Variants in GALNTL6 observed in about 807,000 individuals in gnomAD.
GALNTL6 encodes polypeptide N-acetylgalactosaminyltransferase like 6.
A neutral mutation model predicts 73.7 loss-of-function variants in GALNTL6; 46 were observed. The observed-to-expected ratio is 0.62, with a 90% CI of 0.49 to 0.80. The LOEUF (loss-of-function observed/expected upper bound fraction) is 0.80. GALNTL6 is among the 30% of genes least tolerant of loss of function. The probability of loss-of-function intolerance (pLI) is 0.00; values close to 1 mark genes in which losing one functional copy is unlikely to be tolerated. For synonymous variants in GALNTL6, 259 were observed against 263.7 expected (o/e 0.98, Z 0.17); for missense variants, 604 against 755.0 (o/e 0.80, Z 2.34).
chr4:172,681,314 A>C (rs1732621953), intron 5 of GALNTL6, among the ~76,000 whole-genome samples: 1 of 152,106 alleles, frequency 6.6e-6, no homozygotes, highest in Non-Finnish European at 1.5e-5. Context: ...TTATTGATTT[A>C]ATAGATTAAA....
At chr4:171,882,658 C>G (rs1244339120) in intron 2 of GALNTL6, among the ~76,000 whole-genome samples, 1 of 152,198 alleles carries the variant, frequency 6.6e-6, no homozygotes, top group Non-Finnish European at 1.5e-5. Flanking sequence ...GGGCAGGAAG[C>G]ATCCAACACG....
chr4:172,822,979 T>A (rs1417739140), intron 7 of GALNTL6, among the ~76,000 whole-genome samples: 1 of 152,150 alleles, frequency 6.6e-6, no homozygotes, highest in African/African-American at 2.4e-5. Flanking sequence ...CTCTAGGATA[T>A]AATGCCCCAC....
intron 2 of GALNTL6, among the ~76,000 whole-genome samples, chr4:171,917,629 G>A (rs1217890361): frequency 6.6e-6 from 1 of 151,952 alleles, no homozygotes; most frequent in Non-Finnish European, 1.5e-5. Context: ...TTTCTATCTG[G>A]AGCAAACTCA....
At chr4:173,037,452 T>C (rs1395763868) in intron 12 of GALNTL6, among the ~76,000 whole-genome samples, 1 of 152,166 alleles carries the variant, frequency 6.6e-6, no homozygotes, top group East Asian at 1.9e-4. Flanking sequence ...TTCAGGGTAG[T>C]GGTATATTTG....
intron 5 of GALNTL6, among the ~76,000 whole-genome samples, chr4:172,580,261 A>G (rs1737129352): frequency 6.6e-6 from 1 of 152,238 alleles, no homozygotes. Flanking sequence ...GAATGATCAG[A>G]TTCAGCACAT....
At chr4:172,125,220 A>C (rs567226560) in intron 2 of GALNTL6, among the ~76,000 whole-genome samples, 28 of 152,294 alleles carry the variant, frequency 1.8e-4, no homozygotes, top group Non-Finnish European at 3.2e-4. Flanking sequence ...TCAAGAGGAA[A>C]AATCTACCTC....
chr4:172,064,520 C>T (rs1731301313), intron 2 of GALNTL6, among the ~76,000 whole-genome samples: 1 of 152,124 alleles, frequency 6.6e-6, no homozygotes, highest in East Asian at 1.9e-4. Context: ...GTTAGTGGAG[C>T]TTTGAATATA....
At chr4:172,815,982 T>C (rs1741582273) in intron 7 of GALNTL6, among the ~76,000 whole-genome samples, 1 of 152,226 alleles carries the variant, frequency 6.6e-6, no homozygotes, top group African/African-American at 2.4e-5. Flanking sequence ...ATCGGCAATT[T>C]CATTATCACG....
At chr4:172,329,178 C>G (rs1741040723) in intron 4 of GALNTL6, among the ~76,000 whole-genome samples, 1 of 152,192 alleles carries the variant, frequency 6.6e-6, no homozygotes, top group African/African-American at 2.4e-5. Flanking sequence ...GTCGATTCTA[C>G]AGAGCCTGGA....
intron 5 of GALNTL6, among the ~76,000 whole-genome samples, chr4:172,680,083 T>G (rs569167893): frequency 2.7e-4 from 41 of 152,318 alleles, no homozygotes; most frequent in African/African-American, 9.6e-4. Flanking sequence ...TTTATTAATT[T>G]AAATCTTAAA....
At chr4:172,047,781 T>C (rs1468287590) in intron 2 of GALNTL6, among the ~76,000 whole-genome samples, 3 of 152,180 alleles carry the variant, frequency 2.0e-5, no homozygotes, top group African/African-American at 7.2e-5. Context: ...GAATTGATAG[T>C]CAATGTTTTT....
At chr4:172,407,338 A>G (rs1260067672) in intron 5 of GALNTL6, among the ~76,000 whole-genome samples, 1 of 152,104 alleles carries the variant, frequency 6.6e-6, no homozygotes, top group African/African-American at 2.4e-5. Context: ...AACAACATTT[A>G]TTCAAAAATC....
chr4:172,674,142 C>T (rs1306358942), intron 5 of GALNTL6, among the ~76,000 whole-genome samples: 1 of 152,120 alleles, frequency 6.6e-6, no homozygotes, highest in Admixed American at 6.5e-5. Context: ...TTCAGTAGCT[C>T]CTGTAAGGTA....
intron 2 of GALNTL6, among the ~76,000 whole-genome samples, chr4:171,937,207 G>A (rs780636043): frequency 6.6e-6 from 1 of 152,100 alleles, no homozygotes; most frequent in South Asian, 2.1e-4. Context: ...TTTAGGGAAA[G>A]CAATTCACTG....
intron 2 of GALNTL6, among the ~76,000 whole-genome samples, chr4:171,942,056 A>G (rs927532651): frequency 6.6e-6 from 1 of 152,052 alleles, no homozygotes; most frequent in African/African-American, 2.4e-5. Context: ...TTCTTGGTTT[A>G]TGCTATAGCG....
chr4:171,934,599 A>G lies in GALNTL6; in HGVS notation c.138+119881A>G, dbSNP rs544289913. Among the ~76,000 whole-genome samples the G allele has an allele frequency of 2.0e-5, 3 of 152,092 alleles. No individual in the cohort carries two copies. The South Asian group carries it at 6.2e-4, about 32-fold the overall frequency. ...TGGCTAATTTTTTTGTATTTTTTGTAGAGACAGGGTTATACCATGTTACCC... is the reference window on the plus strand; with the variant it reads ...TGGCTAATTTTTTTGTATTTTTTGTGGAGACAGGGTTATACCATGTTACCC... On this transcript the variant is annotated intron_variant, in intron 2 of 12. Transcript: ENST00000506823.
chr4:172,154,162 T>C (rs1734183835), intron 2 of GALNTL6, among the ~76,000 whole-genome samples: 1 of 151,990 alleles, frequency 6.6e-6, no homozygotes, highest in Non-Finnish European at 1.5e-5. Context: ...CATGAGTTTT[T>C]TTTTTTTTTC....
chr4:172,491,839 T>C (rs910091294), intron 5 of GALNTL6, among the ~76,000 whole-genome samples: 10 of 152,166 alleles, frequency 6.6e-5, no homozygotes. Flanking sequence ...AGAGGCAATA[T>C]GATGATGGCA....
intron 5 of GALNTL6, among the ~76,000 whole-genome samples, chr4:172,625,193 T>C (rs1269712901): frequency 6.6e-6 from 1 of 151,992 alleles, no homozygotes; most frequent in Non-Finnish European, 1.5e-5. Context: ...TCTTATATTG[T>C]TTGACTCTTT....
Sources: gnomAD v4.1 joint callset for allele counts (sites outside exome capture counted in the v4.1 genomes callset) on GRCh38, gnomAD v4.1.1 for gene constraint, MANE v1.5 for transcripts, NCBI Gene and HGNC (gene_info 2026-07-23, HGNC 2026-07-21) for gene names.